The following TBC1D22A variants were observed in gnomAD, a reference collection of about 807,000 sequenced individuals.
TBC1D22A encodes putative GTPase activator.
A neutral mutation model predicts 60.2 loss-of-function variants in TBC1D22A; 38 were observed. The ratio of observed to expected loss-of-function variants is 0.63; its 90% CI spans 0.49 to 0.83. The LOEUF is 0.83. TBC1D22A is among the 40% of genes least tolerant of loss of function. TBC1D22A has a pLI of 0.00. For synonymous variants in TBC1D22A, 302 were observed against 281.7 expected, an observed-to-expected ratio of 1.07 and a Z score of -0.72; for missense variants, 628 against 701.0, an observed-to-expected ratio of 0.90 and a Z score of 1.18.
intron 8 of TBC1D22A, among the ~76,000 whole-genome samples, chr22:46,945,909 AACTT>A (rs1211780492): frequency 6.6e-6 from 1 of 152,142 alleles, no homozygotes; most frequent in African/African-American, 2.4e-5. Flanking sequence ...TTTTCTTTAG[AACTT>A]ACTTTTCTAC....
intron 10 of TBC1D22A, among the ~76,000 whole-genome samples, chr22:47,035,437 CCTTTGCTGT>C (rs1385930988): frequency 6.6e-6 from 1 of 152,170 alleles, no homozygotes; most frequent in Non-Finnish European, 1.5e-5. Flanking sequence ...CTCAGAACAG[CCTTTGCTGT>C]TCTGCTCCAC....
intron 8 of TBC1D22A, among the ~76,000 whole-genome samples, chr22:46,949,308 G>T (rs1168499299): frequency 6.6e-6 from 1 of 152,224 alleles, no homozygotes; most frequent in Non-Finnish European, 1.5e-5. Context: ...GTGCCAGAGG[G>T]AACCTCGGGA....
chr22:46,930,940 A>G (rs906169186), intron 8 of TBC1D22A, among the ~76,000 whole-genome samples: 1 of 152,184 alleles, frequency 6.6e-6, no homozygotes. Context: ...ATATCTCCCT[A>G]ATTCTCACAG....
intron 9 of TBC1D22A, among the ~76,000 whole-genome samples, chr22:46,992,542 C>T (rs919230964): frequency 2.0e-5 from 3 of 152,248 alleles, no homozygotes; most frequent in African/African-American, 7.2e-5. Context: ...GGCCGGGGAC[C>T]GGCCTTGCAA....
chr22:46,838,733 C>T (rs1265013456), intron 4 of TBC1D22A, among the ~76,000 whole-genome samples: 1 of 152,112 alleles, frequency 6.6e-6, no homozygotes, highest in African/African-American at 2.4e-5. Flanking sequence ...GGATTTATCG[C>T]TGGGATGCAA....
At chr22:47,118,917 C>A (rs532400114) in intron 12 of TBC1D22A, among the ~76,000 whole-genome samples, 1 of 152,088 alleles carries the variant, frequency 6.6e-6, no homozygotes, top group African/African-American at 2.4e-5. Flanking sequence ...TTTGGAAGGC[C>A]GAGGCGCGTG....
At chr22:46,895,454 A>G (rs796332865) in intron 7 of TBC1D22A, among the ~76,000 whole-genome samples, 8 of 150,874 alleles carry the variant, frequency 5.3e-5, no homozygotes, top group African/African-American at 2.0e-4. Context: ...GCTCACTGCC[A>G]CCTCCACCTC....
At chr22:46,788,832 A>C (rs563104814) in intron 1 of TBC1D22A, 1 of 152,160 alleles carries the variant, frequency 6.6e-6, no homozygotes, top group African/African-American at 2.4e-5. Flanking sequence ...AGTCATAACA[A>C]ACCCTTCAAG....
chr22:46,762,813 A>G lies in TBC1D22A; in HGVS notation c.27A>G (p.Gln9=). The change falls in exon 1 of 13, where the codon CAA becomes CAG. Residue 9 remains glutamine, a synonymous_variant. Transcript: ENST00000337137. ...TGGCCAGCGACGGGGCCAGGAAGCAATTCTGGAAGCGCAGCAACAGCAAGC... is the reference window on the plus strand; with the variant it reads ...TGGCCAGCGACGGGGCCAGGAAGCAGTTCTGGAAGCGCAGCAACAGCAAGC... MASDGARK[Q]FWKRSNSKLP... is the part of the protein sequence containing the mutation. 1 of 1,457,262 alleles carries G rather than the reference A, an allele frequency of 6.9e-7. No homozygotes were observed. Among genetic ancestry groups the G allele is most frequent in the Non-Finnish European group, 9.0e-7 (1 of 1,112,518 alleles). 90.3% of individuals were successfully genotyped at this position (1,457,262 alleles called of 1,614,324 possible).
rs143340241 is a variant in TBC1D22A at position 46,916,013 on chromosome 22, T to G, written c.1015+3825T>G. On this transcript the variant is annotated intron_variant, in intron 8 of 12. Coordinates refer to ENST00000337137, the MANE Select transcript of TBC1D22A (RefSeq NM_014346.5). ...CCATCCTTGCTGTAATCTGGAGAGA[T>G]GAGCTTTACCCGAGGACAGATCATC... 4.5e-3 allele frequency: 2,046 copies of G among 459,766 alleles called. 50 individuals carry two copies. The highest frequency in any genetic ancestry group is 0.038 in the African/African-American group (1,898 of 50,514). 28.5% of individuals were successfully genotyped at this position (459,766 alleles called of 1,614,324 possible).
At chr22:46,789,161 T>C (rs1359467199) in intron 1 of TBC1D22A, 1 of 148,272 alleles carries the variant, frequency 6.7e-6, no homozygotes, top group Non-Finnish European at 1.5e-5. Flanking sequence ...AGAGTCTCGC[T>C]GTCGCCTAGG....
chr22:46,915,270 G>A (rs1432757786), intron 8 of TBC1D22A: 7 of 394,010 alleles, frequency 1.8e-5, no homozygotes, highest in Non-Finnish European at 2.6e-5. Context: ...CACCGGCAGA[G>A]GCACGGGTGC....
intron 8 of TBC1D22A, chr22:46,914,972 C>T (rs778393316): frequency 3.5e-5 from 7 of 198,808 alleles, no homozygotes; most frequent in South Asian, 1.0e-4. Context: ...AGCCATGTCT[C>T]GCGGGATGAG....
intron 11 of TBC1D22A, among the ~76,000 whole-genome samples, chr22:47,092,187 C>A (rs578113059): frequency 3.3e-4 from 50 of 152,274 alleles, no homozygotes; most frequent in African/African-American, 1.2e-3. Flanking sequence ...GATGTCGGAG[C>A]AGGGCGCCTT....
intron 11 of TBC1D22A, among the ~76,000 whole-genome samples, chr22:47,061,937 C>T (rs968592672): frequency 4.0e-5 from 6 of 151,880 alleles, no homozygotes; most frequent in East Asian, 1.9e-4. Flanking sequence ...AAAATACAAA[C>T]GTTAGCCAGG....
rs61662246 is a variant in TBC1D22A, at chr22:47,155,214, G to GAA, written c.1426-18273_1426-18272dup. On this transcript the variant is annotated intron_variant, in intron 12 of 12. Transcript: ENST00000337137. Reference sequence around the variant, plus strand: ...TTTTCTCTTTAGAATTCCTTTTTTGGAAAAAAAAAAAATGAAATGAATTAC... The same window carrying GAA: ...TTTTCTCTTTAGAATTCCTTTTTTGGAAAAAAAAAAAAAATGAAATGAATTAC... Among the ~76,000 whole-genome samples the GAA allele has an allele frequency of 2.8e-3, 416 of 146,176 alleles. 2 individuals carry two copies. Among genetic ancestry groups the GAA allele is most frequent in the African/African-American group, 9.5e-3 (386 of 40,604 alleles).
chr22:47,124,719 G>C (rs570103055), intron 12 of TBC1D22A, among the ~76,000 whole-genome samples: 1 of 152,174 alleles, frequency 6.6e-6, no homozygotes, highest in Non-Finnish European at 1.5e-5. Context: ...CAGACGGGGG[G>C]CTTCTATCCT....
intron 4 of TBC1D22A, among the ~76,000 whole-genome samples, chr22:46,811,475 A>G (rs1395888578): frequency 2.6e-5 from 4 of 152,162 alleles, no homozygotes; most frequent in Admixed American, 6.5e-5. Flanking sequence ...AGATGGGGCA[A>G]GCCTCTCTTA....
At chr22:46,870,536 C>A (rs2067250347) in intron 4 of TBC1D22A, among the ~76,000 whole-genome samples, 1 of 152,148 alleles carries the variant, frequency 6.6e-6, no homozygotes, top group Admixed American at 6.5e-5. Flanking sequence ...GATTTTACTG[C>A]CTGACTGTGT....
Sources: gnomAD v4.1 joint callset for allele counts (sites outside exome capture counted in the v4.1 genomes callset) on GRCh38, gnomAD v4.1.1 for gene constraint, MANE v1.5 for transcripts, NCBI Gene and HGNC (gene_info 2026-07-23, HGNC 2026-07-21) for gene names.